The following SMARCC1 variants were observed in gnomAD, a reference collection of about 807,000 sequenced individuals.
SMARCC1 encodes SWI/SNF complex subunit SMARCC1.
SMARCC1 carries 43 observed loss-of-function variants against 147.4 expected under a neutral mutation model. The ratio of observed to expected loss-of-function variants is 0.29; its 90% CI spans 0.23 to 0.38. SMARCC1 has a LOEUF of 0.38. Ranked by LOEUF, SMARCC1 falls within the 10% of genes least tolerant of loss-of-function variation. The pLI is 1.00. For missense variants in SMARCC1, 1,119 were observed against 1,381.1 expected (o/e 0.81, Z 3.01); for synonymous variants, 495 against 484.4 (o/e 1.02, Z -0.29).
chr3:47,703,982 TAG>T (rs946139796), intron 10 of SMARCC1, among the ~76,000 whole-genome samples: 26 of 152,122 alleles, frequency 1.7e-4, no homozygotes, highest in African/African-American at 6.3e-4. Context: ...GTATTTTTAG[TAG>T]AGACAGCGTT....
In SMARCC1 at chr3:47,776,292, G is replaced by C. The variant is rs890540376; in HGVS notation, c.196-3356C>G. On this transcript the variant is annotated intron_variant, in intron 1 of 27. Transcript: ENST00000254480. The stretch of plus-strand genomic sequence containing the variant: ...AATGTACTGCACTTTTTTTGTACAC[G>C]GTAAAGCAACATAAAAAAATAATGA... 1.1e-4 allele frequency among the ~76,000 whole-genome samples: 17 copies of C among 152,044 alleles called. 1 individual carries two copies. The South Asian group carries it at 3.5e-3, about 32-fold the overall frequency.
intron 2 of SMARCC1, among the ~76,000 whole-genome samples, chr3:47,771,453 A>G (rs1190351991): frequency 6.6e-6 from 1 of 152,224 alleles, no homozygotes; most frequent in Non-Finnish European, 1.5e-5. Flanking sequence ...ATAAAGGAGT[A>G]TAAGATAGCA....
intron 24 of SMARCC1, among the ~76,000 whole-genome samples, chr3:47,628,719 T>C (rs1446507844): frequency 6.6e-6 from 1 of 152,120 alleles, no homozygotes; most frequent in Non-Finnish European, 1.5e-5. Context: ...CACGTGCCAC[T>C]ATGACTGGCT....
intron 2 of SMARCC1, among the ~76,000 whole-genome samples, chr3:47,758,868 T>C (rs1417195650): frequency 6.6e-6 from 1 of 151,738 alleles, no homozygotes; most frequent in Non-Finnish European, 1.5e-5. Flanking sequence ...AAACACAAAA[T>C]TAGCCAGGCG....
At chr3:47,754,160 G>C in intron 2 of SMARCC1, among the ~76,000 whole-genome samples, 1 of 151,350 alleles carries the variant, frequency 6.6e-6, no homozygotes, top group Non-Finnish European at 1.5e-5. Flanking sequence ...AAGCACTTTT[G>C]ACTTATTTCC....
At chr3:47,770,389 G>A (rs1379734959) in intron 2 of SMARCC1, among the ~76,000 whole-genome samples, 1 of 152,098 alleles carries the variant, frequency 6.6e-6, no homozygotes, top group African/African-American at 2.4e-5. Context: ...GGGAGGCTGA[G>A]GCGGGTGGAT....
chr3:47,714,221 T>G (rs2034127296), intron 8 of SMARCC1, among the ~76,000 whole-genome samples, 194 bp downstream of exon 8: 1 of 152,090 alleles, frequency 6.6e-6, no homozygotes, highest in South Asian at 2.1e-4. Flanking sequence ...AAAATTAGCC[T>G]AACGTGGTGG....
chr3:47,597,154 A>G (rs982928074), intron 26 of SMARCC1, among the ~76,000 whole-genome samples: 10 of 150,796 alleles, frequency 6.6e-5, no homozygotes, highest in African/African-American at 2.4e-4. Context: ...CAGTCTCAAA[A>G]AAAAAAAAAA....
chr3:47,663,880 G>T, intron 19 of SMARCC1: 1 of 1,512,584 alleles, frequency 6.6e-7, no homozygotes, highest in Admixed American at 1.7e-5. Context: ...AGGGTTTCAC[G>T]GTCACAGCCA....
intron 19 of SMARCC1, chr3:47,663,784 G>A (rs2033383148): frequency 9.5e-6 from 15 of 1,577,544 alleles, no homozygotes; most frequent in Middle Eastern, 3.3e-4. Context: ...TGGCCACGGC[G>A]GCCGCCCTCA....
At chr3:47,680,832 C>T (rs999813693) in intron 14 of SMARCC1, among the ~76,000 whole-genome samples, 1 of 151,838 alleles carries the variant, frequency 6.6e-6, no homozygotes, top group African/African-American at 2.4e-5. Context: ...CAGGCGTGAG[C>T]CACCGCGCCC....
At chr3:47,740,346 C>A (rs1398026762) in intron 3 of SMARCC1, among the ~76,000 whole-genome samples, 1 of 151,752 alleles carries the variant, frequency 6.6e-6, no homozygotes, top group Non-Finnish European at 1.5e-5. Context: ...CAGGCATGCA[C>A]CACCACACCC....
At chr3:47,737,960 G>T in intron 4 of SMARCC1, 69 bp downstream of exon 4, 1 of 1,173,480 alleles carries the variant, frequency 8.5e-7, no homozygotes, top group Non-Finnish European at 1.2e-6. Flanking sequence ...ACCGCGCCTG[G>T]CCAGCCAATC....
intron 6 of SMARCC1, among the ~76,000 whole-genome samples, chr3:47,726,039 G>A (rs2034295433): frequency 8.8e-6 from 1 of 113,592 alleles, no homozygotes; most frequent in African/African-American, 3.1e-5. Flanking sequence ...TCCAGCCTGG[G>A]TAGAAGAGTG....
At chr3:47,720,612 T>C in intron 7 of SMARCC1, 54 bp downstream of exon 7, 1 of 1,126,670 alleles carries the variant, frequency 8.9e-7, no homozygotes, top group Non-Finnish European at 1.3e-6. Flanking sequence ...TAAATAAATG[T>C]GCCTTCCTTT....
chr3:47,676,693 G>A lies in SMARCC1; in HGVS notation c.1661C>T (p.Pro554Leu), dbSNP rs2033578718. The A allele has an allele frequency of 2.5e-6, 4 of 1,613,424 alleles. No homozygotes were observed. In the Admixed American group the frequency reaches 6.7e-5, roughly 27 times the overall value. The change falls in exon 17 of 28, where the codon CCT becomes CTT. Residue 554 changes from proline (P) to leucine (L), a missense_variant. Pro to Leu is a moderately conservative substitution (Grantham distance 98). Coordinates refer to ENST00000254480, the MANE Select transcript of SMARCC1 (RefSeq NM_003074.4). ...RPMAMGPPPT[P>L]HFNVLADTPS... ...GGTATCAGCTAATACATTAAAATGA[G>A]GAGTAGGAGGAGGTCCCATTGCCAT...
intron 8 of SMARCC1, among the ~76,000 whole-genome samples, chr3:47,711,393 T>C (rs1168611954): frequency 6.6e-6 from 1 of 152,178 alleles, no homozygotes; most frequent in Non-Finnish European, 1.5e-5. Context: ...TATATATACA[T>C]ATAGATAGAT....
rs571840527 is a variant in SMARCC1, at chr3:47,662,251, GAAAT to G, written c.2158+79_2158+82del. 1,357 of 1,135,234 alleles carry G rather than the reference GAAAT, an allele frequency of 1.2e-3. 5 individuals are homozygous for G. The highest frequency in any genetic ancestry group is 1.6e-3 in the Non-Finnish European group (1,262 of 783,266). The allele number at this position is 1,135,234 out of a possible 1,614,324, so 70.3% of individuals were successfully genotyped here. A position where few individuals can be genotyped will look rare whatever the true frequency, so the allele number is the denominator to read the frequency against. On this transcript the variant is annotated intron_variant, in intron 20 of 27. Transcript: ENST00000254480. The stretch of plus-strand genomic sequence containing the variant: ...CTGATTTTTGTTATTTACATTAAAA[GAAAT>G]GAATGTAACGGCTGGTAATATTTAA...
rs2032103577 is a variant in SMARCC1, at chr3:47,588,127, C to T, written c.*82G>A. The T allele has an allele frequency of 2.6e-6, 3 of 1,158,656 alleles. No individual in the cohort carries two copies. Among genetic ancestry groups the T allele is most frequent in the African/African-American group, 1.6e-5 (1 of 64,222 alleles). The allele number at this position is 1,158,656 out of a possible 1,614,324, so 71.8% of individuals were successfully genotyped here. On this transcript the variant is annotated 3_prime_UTR_variant, in exon 28 of 28. Coordinates refer to ENST00000254480, the MANE Select transcript of SMARCC1 (RefSeq NM_003074.4). ...GAGAAGAAAAATCCTGAAAGAAACC[C>T]AAGAAAGTTGAGGAACACAAGTCTT...
Sources: gnomAD v4.1 joint callset for allele counts (sites outside exome capture counted in the v4.1 genomes callset) on GRCh38, gnomAD v4.1.1 for gene constraint, MANE v1.5 for transcripts, NCBI Gene and HGNC (gene_info 2026-07-23, HGNC 2026-07-21) for gene names.